INSYN2B: variants seen among roughly 807,000 people sequenced by gnomAD.
The protein encoded by INSYN2B is inhibitory synaptic factor family member 2B, also known as protein INSYN2B.
INSYN2B carries 16 observed loss-of-function variants against 41.2 expected under a neutral mutation model. The observed-to-expected ratio is 0.39, with a 90% CI of 0.26 to 0.59. The LOEUF (loss-of-function observed/expected upper bound fraction) is 0.59, where lower values mean the gene tolerates loss of function less well. INSYN2B is among the 20% of genes least tolerant of loss of function. The probability of loss-of-function intolerance (pLI) is 0.57; values close to 1 mark genes in which losing one functional copy is unlikely to be tolerated. For synonymous variants in INSYN2B, 245 were observed against 244.4 expected, an observed-to-expected ratio of 1.00 and a Z score of -0.02; for missense variants, 608 against 646.4, an observed-to-expected ratio of 0.94 and a Z score of 0.64.
At chr5:169,965,996 G>C (rs950608249) in intron 1 of INSYN2B, among the ~76,000 whole-genome samples, 3 of 152,150 alleles carry the variant, frequency 2.0e-5, no homozygotes, top group Non-Finnish European at 4.4e-5. Flanking sequence ...AGGAGACCTA[G>C]GTTTCCCTAG....
At chr5:169,872,218 T>C (rs995837501) in intron 3 of INSYN2B, among the ~76,000 whole-genome samples, 7 of 152,204 alleles carry the variant, frequency 4.6e-5, no homozygotes, top group African/African-American at 9.6e-5. Flanking sequence ...TTTACTGACC[T>C]CCTGCAACTT....
rs1329470921 is a variant in INSYN2B, at chr5:169,864,463, A to G, written c.1422-4T>C. On this transcript the variant is annotated splice_polypyrimidine_tract_variant and splice_region_variant and intron_variant, in intron 3 of 3. Transcript: ENST00000377365. ...CTGCCGAAAATCATACTCTACACTG[A>G]AAAACACAGAGAGGAAGGAAGGAAA... The G allele has an allele frequency of 3.3e-6, 5 of 1,523,266 alleles. No individual in the cohort carries two copies. The highest frequency in any genetic ancestry group is 4.4e-6 in the Non-Finnish European group (5 of 1,134,048). 94.4% of individuals were successfully genotyped at this position (1,523,266 alleles called of 1,614,324 possible).
intron 1 of INSYN2B, among the ~76,000 whole-genome samples, chr5:169,900,983 C>T (rs1358443064): frequency 4.6e-5 from 7 of 151,996 alleles, no homozygotes; most frequent in African/African-American, 7.3e-5. Context: ...AACTTAGTTA[C>T]GGGTAGGAAA....
intron 1 of INSYN2B, among the ~76,000 whole-genome samples, chr5:169,959,010 A>G (rs1776973430): frequency 6.6e-6 from 1 of 152,174 alleles, no homozygotes; most frequent in African/African-American, 2.4e-5. Flanking sequence ...CTAACTTATA[A>G]AGTATTTAAG....
At position 169,883,106 on chromosome 5, in the gene INSYN2B, C is replaced by T. The variant is rs957626539; in HGVS notation, c.793G>A (p.Ala265Thr). 2.6e-6 allele frequency: 4 copies of T among 1,551,500 alleles called. No homozygotes were observed. The African/African-American group carries it at 5.5e-5, about 21-fold the overall frequency. Residue 265 changes from alanine to threonine, a missense_variant, in exon 2 of 4, where the codon GCC becomes ACC. Physicochemically the swap from Ala to Thr is moderately conservative, Grantham distance 58. Transcript: ENST00000377365. ...STSCLNATSV[A>T]SHTPGTEELK... ...TCCTCTGTGCCTGGTGTGTGGCTGG[C>T]AACGCTGGTGGCATTTAAGCAGGAG...
chr5:169,871,601 C>G (rs1256167152), intron 3 of INSYN2B, among the ~76,000 whole-genome samples: 1 of 152,124 alleles, frequency 6.6e-6, no homozygotes, highest in African/African-American at 2.4e-5. Flanking sequence ...GAATCCGAAC[C>G]CTGACAGTCT....
At chr5:169,881,780 C>T (rs1373107316) in intron 2 of INSYN2B, among the ~76,000 whole-genome samples, 2 of 152,162 alleles carry the variant, frequency 1.3e-5, no homozygotes, top group Admixed American at 6.5e-5. Flanking sequence ...CACAGTGTTT[C>T]TCTCCTATAC....
At chr5:169,975,731 C>T (rs1200968143) in intron 1 of INSYN2B, among the ~76,000 whole-genome samples, 1 of 152,186 alleles carries the variant, frequency 6.6e-6, no homozygotes, top group East Asian at 1.9e-4. Context: ...TGGCACATAT[C>T]ACTATCTAAA....
chr5:169,951,850 G>A (rs932350273), intron 1 of INSYN2B, among the ~76,000 whole-genome samples: 5 of 152,064 alleles, frequency 3.3e-5, no homozygotes, highest in Admixed American at 1.3e-4. Flanking sequence ...TGAAAATTTA[G>A]GAAACTTGCC....
chr5:169,965,670 C>G (rs1777272580), intron 1 of INSYN2B, among the ~76,000 whole-genome samples: 1 of 152,088 alleles, frequency 6.6e-6, no homozygotes, highest in Admixed American at 6.5e-5. Flanking sequence ...AGAGTCCAAC[C>G]TCATCCAAGG....
intron 1 of INSYN2B, among the ~76,000 whole-genome samples, chr5:169,893,204 C>A (rs1388921250): frequency 6.6e-6 from 1 of 152,230 alleles, no homozygotes; most frequent in Admixed American, 6.5e-5. Flanking sequence ...AGGGACAATT[C>A]TGTGGTACAT....
At chr5:169,901,030 G>A (rs1008256529) in intron 1 of INSYN2B, among the ~76,000 whole-genome samples, 2 of 152,148 alleles carry the variant, frequency 1.3e-5, no homozygotes, top group Non-Finnish European at 2.9e-5. Context: ...AAGTAAACAT[G>A]GATTTATAAA....
At chr5:169,958,581 G>GTT (rs1180167990) in intron 1 of INSYN2B, among the ~76,000 whole-genome samples, 2 of 72,952 alleles carry the variant, frequency 2.7e-5, no homozygotes, top group Admixed American at 1.2e-4. Context: ...CTTTTCCTGG[G>GTT]TTTCTTTTTT....
At chr5:169,867,655 T>C (rs1771672177) in intron 3 of INSYN2B, among the ~76,000 whole-genome samples, 1 of 151,660 alleles carries the variant, frequency 6.6e-6, no homozygotes, top group Non-Finnish European at 1.5e-5. Flanking sequence ...TATCTACCTC[T>C]AGCATCTATT....
intron 1 of INSYN2B, among the ~76,000 whole-genome samples, chr5:169,978,995 T>G (rs1283315698): frequency 6.6e-6 from 1 of 152,178 alleles, no homozygotes; most frequent in African/African-American, 2.4e-5. Context: ...CTCCCTGGAA[T>G]TCTGTTTTAA....
chr5:169,903,509 G>C (rs1774074670), intron 1 of INSYN2B, among the ~76,000 whole-genome samples: 2 of 149,818 alleles, frequency 1.3e-5, no homozygotes, highest in South Asian at 2.2e-4. Context: ...GCTTGGAAGA[G>C]AGTAGGAGCC....
intron 1 of INSYN2B, among the ~76,000 whole-genome samples, chr5:169,908,365 A>G (rs1199870644): frequency 1.3e-5 from 2 of 152,144 alleles, no homozygotes; most frequent in African/African-American, 2.4e-5. Context: ...ACTCACATGC[A>G]TATAGGCATA....
chr5:169,926,643 A>G (rs976961732), intron 1 of INSYN2B, among the ~76,000 whole-genome samples: 1 of 152,244 alleles, frequency 6.6e-6, no homozygotes, highest in Non-Finnish European at 1.5e-5. Context: ...GCATTATGCC[A>G]TACGTCACCC....
intron 1 of INSYN2B, among the ~76,000 whole-genome samples, chr5:169,932,250 CCT>C (rs1254294634): frequency 2.0e-5 from 3 of 152,058 alleles, no homozygotes; most frequent in Non-Finnish European, 2.9e-5. Flanking sequence ...TTTACAGAGC[CCT>C]GTTATGAGGA....
Sources: gnomAD v4.1 joint callset for allele counts (sites outside exome capture counted in the v4.1 genomes callset) on GRCh38, gnomAD v4.1.1 for gene constraint, MANE v1.5 for transcripts, NCBI Gene and HGNC (gene_info 2026-07-23, HGNC 2026-07-21) for gene names.